The following SLCO3A1 variants were observed in gnomAD, a reference collection of about 807,000 sequenced individuals.
SLCO3A1 encodes the protein solute carrier organic anion transporter family member 3A1.
SLCO3A1 carries 27 observed loss-of-function variants against 63.1 expected under a neutral mutation model. That is an observed-to-expected ratio of 0.43 (90% confidence interval 0.32 to 0.59). SLCO3A1 has a LOEUF of 0.59. Ranked by LOEUF, SLCO3A1 falls within the 20% of genes least tolerant of loss-of-function variation. SLCO3A1 has a pLI of 0.09. For missense variants in SLCO3A1, 773 were observed against 945.8 expected (o/e 0.82, Z 2.40); for synonymous variants, 473 against 409.9 (o/e 1.15, Z -1.86).
chr15:92,011,022 G>A (rs1025304786), intron 2 of SLCO3A1, among the ~76,000 whole-genome samples: 1 of 152,180 alleles, frequency 6.6e-6, no homozygotes, highest in Non-Finnish European at 1.5e-5. Flanking sequence ...GTCAGATCAA[G>A]TCAGTCCAAT....
chr15:92,168,849 A>G (rs986918377), downstream of SLCO3A1, among the ~76,000 whole-genome samples: 1 of 152,192 alleles, frequency 6.6e-6, no homozygotes, highest in Non-Finnish European at 1.5e-5. Context: ...CTACATTCCC[A>G]TATAGCTGTG....
intron 2 of SLCO3A1, among the ~76,000 whole-genome samples, chr15:91,956,303 A>G (rs1269130052): frequency 1.3e-5 from 2 of 152,150 alleles, no homozygotes; most frequent in African/African-American, 4.8e-5. Context: ...GGAGGATTTG[A>G]TGCGAAATGG....
At chr15:92,059,358 C>T (rs905164965) in intron 2 of SLCO3A1, among the ~76,000 whole-genome samples, 1 of 152,202 alleles carries the variant, frequency 6.6e-6, no homozygotes, top group Non-Finnish European at 1.5e-5. Context: ...GGTTCCATAA[C>T]TTCCCAAAGC....
intron 2 of SLCO3A1, among the ~76,000 whole-genome samples, chr15:92,001,093 T>G (rs772588080): frequency 6.6e-6 from 1 of 152,014 alleles, no homozygotes; most frequent in Non-Finnish European, 1.5e-5. Flanking sequence ...CATTCATTTC[T>G]AAGACATAAC....
intron 2 of SLCO3A1, among the ~76,000 whole-genome samples, chr15:92,004,440 G>A (rs1302843689): frequency 1.3e-5 from 2 of 152,234 alleles, no homozygotes; most frequent in African/African-American, 4.8e-5. Flanking sequence ...AGGCAGTGAT[G>A]ACAATGATGA....
intron 2 of SLCO3A1, among the ~76,000 whole-genome samples, chr15:92,068,530 A>G (rs2047178206): frequency 6.6e-6 from 1 of 152,188 alleles, no homozygotes; most frequent in African/African-American, 2.4e-5. Flanking sequence ...ATTATCATTC[A>G]TCATTTACTC....
chr15:92,070,380 C>T (rs1287370480), intron 2 of SLCO3A1, among the ~76,000 whole-genome samples: 2 of 152,320 alleles, frequency 1.3e-5, no homozygotes, highest in Middle Eastern at 3.4e-3. Context: ...CGGTGGCTTA[C>T]GCCTGTAATC....
chr15:91,938,977 C>T (rs981131790), intron 2 of SLCO3A1, among the ~76,000 whole-genome samples: 6 of 152,200 alleles, frequency 3.9e-5, no homozygotes, highest in Non-Finnish European at 8.8e-5. Context: ...CCTCTGGGCT[C>T]ATCTGGGCCT....
At chr15:92,152,281 CAT>C (rs1217903739) in intron 9 of SLCO3A1, among the ~76,000 whole-genome samples, 1 of 152,178 alleles carries the variant, frequency 6.6e-6, no homozygotes, top group Non-Finnish European at 1.5e-5. Flanking sequence ...AAATACATAG[CAT>C]ATGTCTCTCC....
At chr15:92,039,428 C>G (rs954519176) in intron 2 of SLCO3A1, among the ~76,000 whole-genome samples, 3 of 151,984 alleles carry the variant, frequency 2.0e-5, no homozygotes, top group African/African-American at 7.2e-5. Flanking sequence ...AGACACTTCT[C>G]AAAAGAAGAC....
At chr15:91,864,203 G>T (rs556210365) in intron 1 of SLCO3A1, among the ~76,000 whole-genome samples, 1 of 152,310 alleles carries the variant, frequency 6.6e-6, no homozygotes, top group South Asian at 2.1e-4. Context: ...GGGTGGGCCT[G>T]TTTTTAGGTC....
intron 2 of SLCO3A1, among the ~76,000 whole-genome samples, chr15:92,003,747 G>T (rs2046282087): frequency 6.6e-6 from 1 of 152,204 alleles, no homozygotes; most frequent in Non-Finnish European, 1.5e-5. Flanking sequence ...TGGAATTCAT[G>T]GATACGGGGC....
intron 1 of SLCO3A1, among the ~76,000 whole-genome samples, chr15:91,895,509 A>G (rs7178726): frequency 0.011 from 1,688 of 152,328 alleles, 32 homozygotes; most frequent in African/African-American, 0.039. Flanking sequence ...CTTGCATACA[A>G]TGTTTTATTG....
rs576764791 is a variant in SLCO3A1 at position 91,943,018 on chromosome 15, A to C, written c.646+26560A>C. Among the ~76,000 whole-genome samples the C allele has an allele frequency of 6.6e-5, 10 of 152,328 alleles. No homozygotes were observed. In the South Asian group the frequency reaches 2.1e-3, roughly 32 times the overall value. On this transcript the variant is annotated intron_variant, in intron 2 of 9. Transcript: ENST00000318445. Reference sequence around the variant, plus strand: ...ATCTCCCTTGACCTTCTGTCCTTGTAATTAATTCAGGTCTCCACAGAGCAC... The same window carrying C: ...ATCTCCCTTGACCTTCTGTCCTTGTCATTAATTCAGGTCTCCACAGAGCAC...
At chr15:92,099,908 A>G (rs1452296266) in intron 3 of SLCO3A1, among the ~76,000 whole-genome samples, 2 of 151,140 alleles carry the variant, frequency 1.3e-5, no homozygotes, top group East Asian at 3.9e-4. Context: ...CTAAAAATAC[A>G]AAAAAAAATT....
chr15:92,053,522 G>A (rs944217043), intron 2 of SLCO3A1, among the ~76,000 whole-genome samples: 5 of 151,968 alleles, frequency 3.3e-5, no homozygotes, highest in African/African-American at 1.2e-4. Flanking sequence ...ATCCCATCCG[G>A]GACATCGCAT....
chr15:91,891,748 T>G (rs966804320), intron 1 of SLCO3A1, among the ~76,000 whole-genome samples: 3 of 152,208 alleles, frequency 2.0e-5, no homozygotes. Context: ...CCTTAATATA[T>G]AGTAAATAGG....
intron 3 of SLCO3A1, among the ~76,000 whole-genome samples, chr15:92,096,525 AT>A (rs2047540951): frequency 6.6e-6 from 1 of 152,204 alleles, no homozygotes; most frequent in Non-Finnish European, 1.5e-5. Context: ...GTAGTTTAGC[AT>A]GCAGCAAAGC....
At chr15:92,094,663 C>A (rs1476340124) in intron 2 of SLCO3A1, among the ~76,000 whole-genome samples, 1 of 152,172 alleles carries the variant, frequency 6.6e-6, no homozygotes, top group Non-Finnish European at 1.5e-5. Flanking sequence ...AATTTCAAAG[C>A]AACCTACCTG....
Sources: gnomAD v4.1 joint callset for allele counts (sites outside exome capture counted in the v4.1 genomes callset) on GRCh38, gnomAD v4.1.1 for gene constraint, MANE v1.5 for transcripts, NCBI Gene and HGNC (gene_info 2026-07-23, HGNC 2026-07-21) for gene names.